RBM19: variants seen among roughly 807,000 people sequenced by gnomAD.
RBM19 encodes probable RNA-binding protein 19.
In RBM19, 94 loss-of-function variants were observed where a neutral mutation model predicts 116.8. The ratio of observed to expected loss-of-function variants is 0.80; its 90% CI spans 0.68 to 0.95. The LOEUF is 0.95. Among genes scored for constraint, RBM19 ranks in the 40% least tolerant of loss-of-function variants. RBM19 has a pLI of 0.00. For missense variants in RBM19, 1,161 were observed against 1,220.7 expected (o/e 0.95, Z 0.73); for synonymous variants, 475 against 494.1 (o/e 0.96, Z 0.51).
intron 18 of RBM19, among the ~76,000 whole-genome samples, chr12:113,922,084 C>T (rs1399550327): frequency 1.3e-5 from 2 of 152,150 alleles, no homozygotes; most frequent in African/African-American, 4.8e-5. Flanking sequence ...CACGTCCAAT[C>T]CACGGCCACC....
At position 113,948,896 on chromosome 12, in the gene RBM19, A is replaced by C; in HGVS notation, c.1213T>G (p.Phe405Val). 1 of 1,614,188 alleles carries C rather than the reference A, an allele frequency of 6.2e-7. No individual in the cohort carries two copies. Among genetic ancestry groups the C allele is most frequent in the Non-Finnish European group, 8.5e-7 (1 of 1,180,014 alleles). ...CTGGTGTAGGGCAGGTTCCGTACAA[A>C]GAGCCTTCCGGATTCGGCCAGGTCC... ...EEDLAESGRL[F>V]VRNLPYTSTE... Residue 405 changes from phenylalanine (F) to valine (V), a missense_variant, in exon 10 of 24, where the codon TTT becomes GTT. Phe to Val is a conservative substitution (Grantham distance 50, BLOSUM62 -1). Transcript: ENST00000261741.
intron 11 of RBM19, among the ~76,000 whole-genome samples, chr12:113,946,771 A>C (rs1871061800): frequency 1.3e-5 from 2 of 152,196 alleles, no homozygotes; most frequent in Admixed American, 6.5e-5. Flanking sequence ...CTGTCCCTGC[A>C]CCAGTGAGTA....
chr12:113,877,476 T>C (rs75741612), intron 21 of RBM19, among the ~76,000 whole-genome samples: 10,070 of 152,250 alleles, frequency 0.066, 652 homozygotes, highest in East Asian at 0.34. Flanking sequence ...TCCCCGGCCA[T>C]GGTGAAACCT....
chr12:113,832,279 T>TC (rs1449448289), intron 23 of RBM19, among the ~76,000 whole-genome samples: 1 of 150,720 alleles, frequency 6.6e-6, no homozygotes, highest in Non-Finnish European at 1.5e-5. Context: ...AACTTCTGTC[T>TC]CCCTGGTTCA....
chr12:113,863,064 G>T (rs1050596689), intron 21 of RBM19, among the ~76,000 whole-genome samples: 4 of 152,108 alleles, frequency 2.6e-5, no homozygotes, highest in Non-Finnish European at 2.9e-5. Context: ...GTGTGGTGGG[G>T]GGAGAGAAGG....
At chr12:113,942,194 A>T in intron 14 of RBM19, 130 bp downstream of exon 14, 1 of 790,002 alleles carries the variant, frequency 1.3e-6, no homozygotes, top group Non-Finnish European at 2.0e-6. Flanking sequence ...TCTTTTCTTT[A>T]GAGACAATTT....
At chr12:113,823,837 T>G (rs958138830) in intron 23 of RBM19, among the ~76,000 whole-genome samples, 1 of 152,110 alleles carries the variant, frequency 6.6e-6, no homozygotes, top group Non-Finnish European at 1.5e-5. Context: ...GGGAGACAAG[T>G]AGAAGTTGTT....
At chr12:113,892,459 T>C in intron 21 of RBM19, among the ~76,000 whole-genome samples, 1 of 152,224 alleles carries the variant, frequency 6.6e-6, no homozygotes, top group East Asian at 1.9e-4. Context: ...AGGAATGAGA[T>C]TCGTTTTATA....
intron 8 of RBM19, among the ~76,000 whole-genome samples, chr12:113,951,018 C>T (rs900813273): frequency 9.2e-5 from 14 of 152,156 alleles, no homozygotes; most frequent in African/African-American, 2.9e-4. Flanking sequence ...TCACTGCCCT[C>T]CCCTGCTCTA....
chr12:113,901,625 T>C lies in RBM19; in HGVS notation c.2558+13344A>G, dbSNP rs1283059660. Among the ~76,000 whole-genome samples the C allele has an allele frequency of 2.0e-5, 3 of 152,088 alleles. No homozygotes were observed. In the East Asian group the frequency reaches 5.8e-4, roughly 29 times the overall value. ...CTGGGTTCAAGTGATTCTCCCACCTTAGCCTCCCGAGTAGCTGGGACGACA... is the reference window on the plus strand; with the variant it reads ...CTGGGTTCAAGTGATTCTCCCACCTCAGCCTCCCGAGTAGCTGGGACGACA... On this transcript the variant is annotated intron_variant, in intron 21 of 23. Coordinates refer to ENST00000261741, the MANE Select transcript of RBM19 (RefSeq NM_016196.4).
chr12:113,949,012 C>T lies in RBM19; in HGVS notation c.1097G>A (p.Arg366Lys). The change falls in exon 10 of 24, where the codon AGG becomes AAG. Residue 366 changes from arginine to lysine, a missense_variant. Physicochemically the swap from Arg to Lys is conservative, Grantham distance 26 (BLOSUM62 2). Coordinates refer to ENST00000261741, the MANE Select transcript of RBM19 (RefSeq NM_016196.4). The stretch of plus-strand genomic sequence containing the variant: ...CTTGGTGGTGGGGACGTTCTTTTCC[C>T]TGAACACCTCGATGTAGCGCCCACC... ...YMGGRYIEVF[R>K]EKNVPTTKGA... 2 of 1,614,118 alleles carry T rather than the reference C, an allele frequency of 1.2e-6. No homozygotes were observed. Among genetic ancestry groups the T allele is most frequent in the Non-Finnish European group, 1.7e-6 (2 of 1,179,984 alleles).
At chr12:113,939,856 C>T in intron 15 of RBM19, 104 bp downstream of exon 15, 1 of 1,275,048 alleles carries the variant, frequency 7.8e-7, no homozygotes, top group Non-Finnish European at 1.1e-6. Flanking sequence ...AGGGTGAGCT[C>T]CCATGTGCCA....
At chr12:113,863,707 C>G (rs1200965105) in intron 21 of RBM19, among the ~76,000 whole-genome samples, 1 of 152,218 alleles carries the variant, frequency 6.6e-6, no homozygotes, top group Non-Finnish European at 1.5e-5. Context: ...AAAAGAAAGT[C>G]TGCTGCCACC....
chr12:113,859,319 G>A (rs1446547288), intron 21 of RBM19, among the ~76,000 whole-genome samples: 2 of 152,228 alleles, frequency 1.3e-5, no homozygotes. Context: ...GATCAGCAGG[G>A]TTGCCTGACC....
At chr12:113,862,111 G>A (rs1306955876) in intron 21 of RBM19, among the ~76,000 whole-genome samples, 2 of 152,184 alleles carry the variant, frequency 1.3e-5, no homozygotes, top group East Asian at 3.8e-4. Context: ...CGATGTCTGT[G>A]GACACTTCCT....
At chr12:113,892,269 C>T (rs182554731) in intron 21 of RBM19, among the ~76,000 whole-genome samples, 21 of 152,288 alleles carry the variant, frequency 1.4e-4, no homozygotes, top group African/African-American at 4.8e-4. Flanking sequence ...TCAGGTGAGT[C>T]ACTTAACCTC....
Position 113,898,100 on chromosome 12 carries a change from G to C in RBM19, c.2558+16869C>G, listed in dbSNP as rs1881460161. 6.6e-6 allele frequency among the ~76,000 whole-genome samples: 1 copy of C among 152,052 alleles called. No individual in the cohort carries two copies. Among genetic ancestry groups the C allele is most frequent in the Non-Finnish European group, 1.5e-5 (1 of 68,020 alleles). On this transcript the variant is annotated intron_variant, in intron 21 of 23. Transcript: ENST00000261741. This position sits in a 1 kb window ranked among gnomAD's most constrained non-coding sequence, Gnocchi z 4.3. ...CAGGTATCCTGGAACCTGAAATTTG[G>C]ACTAAAGTAAGAGTCCATTTAATGG... is the stretch of plus-strand genomic sequence containing the variant.
chr12:113,957,933 T>C lies in RBM19; in HGVS notation c.689A>G (p.Glu230Gly), dbSNP rs138501387. The C allele has an allele frequency of 1.2e-6, 2 of 1,614,166 alleles. No individual in the cohort carries two copies. Among genetic ancestry groups the C allele is most frequent in the Non-Finnish European group, 1.7e-6 (2 of 1,180,020 alleles). Residue 230 changes from glutamate (E) to glycine (G), a missense_variant, in exon 6 of 24, where the codon GAA (glutamate) becomes GGA (glycine). Glu to Gly is a moderately conservative substitution (Grantham distance 98). Transcript: ENST00000261741. ...SSSSSEEEES[E>G]DEAVHCDEGS... ...TTCATCACAGTGCACGGCTTCATCT[T>C]CACTTTCCTCTTCCTCCGAGGAAGA...
rs190846063 is a variant in RBM19, at chr12:113,846,896, A to G, written c.2665-2108T>C. On this transcript the variant is annotated intron_variant, in intron 22 of 23. Coordinates refer to ENST00000261741, the MANE Select transcript of RBM19 (RefSeq NM_016196.4). ...CCTCGCTAAGTTTTTAATTTTTTGT[A>G]GAGACGGGGTCTCCCTACATTGCCC... Among the ~76,000 whole-genome samples, 3 of 152,270 alleles carry G rather than the reference A, an allele frequency of 2.0e-5. No individual in the cohort carries two copies. The East Asian group carries it at 5.8e-4, about 29-fold the overall frequency.
Sources: gnomAD v4.1 joint callset for allele counts (sites outside exome capture counted in the v4.1 genomes callset) on GRCh38, gnomAD v4.1.1 for gene constraint, Gnocchi (gnomAD v3.1) non-coding constraint, MANE v1.5 for transcripts, NCBI Gene and HGNC (gene_info 2026-07-23, HGNC 2026-07-21) for gene names.